Variants in DST observed in about 807,000 individuals in gnomAD.
The protein encoded by DST is dystonin.
DST carries 253 observed loss-of-function variants against 875.2 expected under a neutral mutation model. The ratio of observed to expected loss-of-function variants is 0.29; its 90% CI spans 0.26 to 0.32. The LOEUF (loss-of-function observed/expected upper bound fraction) is 0.32. Among genes scored for constraint, DST ranks in the 10% least tolerant of loss-of-function variants. The pLI, the probability that DST is intolerant of heterozygous loss-of-function variation, is 1.00. For missense variants in DST, 8,287 were observed against 9,111.6 expected (o/e 0.91, Z 3.68); for synonymous variants, 3,124 against 3,197.1 (o/e 0.98, Z 0.77).
At chr6:56,655,808 G>A (rs2099004681) in intron 10 of DST, among the ~76,000 whole-genome samples, 1 of 152,008 alleles carries the variant, frequency 6.6e-6, no homozygotes, top group South Asian at 2.1e-4. Flanking sequence ...ATTTCCTCCA[G>A]GAAGTACTTT....
chr6:56,932,243 T>C (rs1290346142), intron 2 of DST, among the ~76,000 whole-genome samples: 1 of 152,156 alleles, frequency 6.6e-6, no homozygotes, highest in Non-Finnish European at 1.5e-5. Context: ...CTTTTGCTTC[T>C]CTCTCATTTT....
intron 61 of DST, among the ~76,000 whole-genome samples, chr6:56,548,933 G>A (rs1388674324): frequency 6.6e-6 from 1 of 152,218 alleles, no homozygotes; most frequent in Non-Finnish European, 1.5e-5. Context: ...TTTTCACTGA[G>A]TGAGTTAGGA....
intron 50 of DST, among the ~76,000 whole-genome samples, chr6:56,575,848 T>C (rs9349831): frequency 0.29 from 43,286 of 151,686 alleles, 7,575 homozygotes; most frequent in Admixed American, 0.39. Flanking sequence ...GTGACAGGAG[T>C]GTATGGCAGA....
intron 39 of DST, among the ~76,000 whole-genome samples, chr6:56,609,877 A>G (rs2098529951): frequency 6.6e-6 from 1 of 152,218 alleles, no homozygotes; most frequent in South Asian, 2.1e-4. Flanking sequence ...TTAAATATAA[A>G]GATAACTTTT....
In DST at chr6:56,605,207, A is replaced by C. The variant is rs375948740; in HGVS notation, c.9421T>G (p.Phe3141Val). 14 of 1,611,740 alleles carry C rather than the reference A, an allele frequency of 8.7e-6. No individual in the cohort carries two copies. In the African/African-American group the frequency reaches 1.7e-4, roughly 20 times the overall value. The change falls in exon 40 of 104, where the codon TTT becomes GTT. Residue 3141 changes from phenylalanine (F) to valine (V), a missense_variant. Coordinates refer to ENST00000680361, the MANE Select transcript of DST (RefSeq NM_001374736.1). Reference sequence around the variant, plus strand: ...ATCTCTTTGGAAACTGATGTGTCAAAAATTTCTTCAAGATTCTCAAACTGA... The same window carrying C: ...ATCTCTTTGGAAACTGATGTGTCAACAATTTCTTCAAGATTCTCAAACTGA... ...PVQFENLEEI[F>V]DTSVSKEISD...
intron 4 of DST, among the ~76,000 whole-genome samples, chr6:56,818,832 A>G (rs2099769695): frequency 6.6e-6 from 1 of 152,160 alleles, no homozygotes; most frequent in Non-Finnish European, 1.5e-5. Context: ...TGAACTGCAT[A>G]CTTTCCATAG....
chr6:56,772,489 T>C (rs570355831), intron 4 of DST, among the ~76,000 whole-genome samples: 50 of 152,358 alleles, frequency 3.3e-4, no homozygotes, highest in South Asian at 1.2e-3. Flanking sequence ...AGCCATGTGA[T>C]TCCGATCAAG....
chr6:56,615,279 C>T lies in DST; in HGVS notation c.4930-795G>A, dbSNP rs565052554. 25 of 1,307,256 alleles carry T rather than the reference C, an allele frequency of 1.9e-5. No homozygotes were observed. In the South Asian group the frequency reaches 3.4e-4, roughly 18 times the overall value. The allele number at this position is 1,307,256 out of a possible 1,614,324, so 81.0% of individuals were successfully genotyped here. A position where few individuals can be genotyped will look rare whatever the true frequency, so the allele number is the denominator to read the frequency against. ...TAAAAAAAAAAACATTTTAGTGTGG[C>T]CAAGTTTCAAAAAACCATTCTCAAG... On this transcript the variant is annotated intron_variant, in intron 36 of 103. Coordinates refer to ENST00000680361, the MANE Select transcript of DST (RefSeq NM_001374736.1).
At chr6:56,897,341 T>C (rs1378864539) in intron 3 of DST, among the ~76,000 whole-genome samples, 1 of 151,754 alleles carries the variant, frequency 6.6e-6, no homozygotes, top group African/African-American at 2.4e-5. Flanking sequence ...TATTTATTTA[T>C]TTATTTTTGA....
intron 4 of DST, among the ~76,000 whole-genome samples, chr6:56,738,092 C>T (rs1385347640): frequency 6.6e-6 from 1 of 152,040 alleles, no homozygotes; most frequent in African/African-American, 2.4e-5. Flanking sequence ...ATTTCATAAG[C>T]ATTTCTTCTC....
intron 90 of DST, among the ~76,000 whole-genome samples, chr6:56,478,019 C>T (rs1406369121): frequency 6.6e-6 from 1 of 151,820 alleles, no homozygotes; most frequent in Non-Finnish European, 1.5e-5. Flanking sequence ...AGAGGGCCAA[C>T]TTTATAGGAT....
chr6:56,587,263 T>TGCAGAAGCCTCAGGA (rs2098173155), intron 49 of DST, among the ~76,000 whole-genome samples: 2 of 152,088 alleles, frequency 1.3e-5, no homozygotes, highest in Non-Finnish European at 2.9e-5. Flanking sequence ...ACGTGAAGAA[T>TGCAGAAGCCTCAGGA]GCAGAAGCCT....
chr6:56,526,223 CT>C (rs1195267525), intron 69 of DST, 137 bp downstream of exon 69: 6 of 961,318 alleles, frequency 6.2e-6, no homozygotes, highest in Admixed American at 2.5e-5. Flanking sequence ...CAGTCAACTT[CT>C]TTTCAAATCC....
At chr6:56,888,790 C>A (rs538355456) in intron 3 of DST, among the ~76,000 whole-genome samples, 1 of 152,194 alleles carries the variant, frequency 6.6e-6, no homozygotes, top group East Asian at 1.9e-4. Context: ...AAAACCTAAG[C>A]TGTAATCAGA....
chr6:56,614,769 T>C, intron 36 of DST: 1 of 1,043,564 alleles, frequency 9.6e-7, no homozygotes, highest in Non-Finnish European at 1.2e-6. Flanking sequence ...ACTTTATTCA[T>C]GAGGCACTAG....
intron 32 of DST, among the ~76,000 whole-genome samples, chr6:56,628,870 A>G (rs192260264): frequency 5.3e-5 from 8 of 152,250 alleles, no homozygotes; most frequent in Admixed American, 4.6e-4. Flanking sequence ...ATTTATTTAC[A>G]TTTCTTAAGT....
chr6:56,773,827 T>C (rs896404464), intron 4 of DST, among the ~76,000 whole-genome samples: 10 of 152,174 alleles, frequency 6.6e-5, no homozygotes, highest in African/African-American at 2.4e-4. Flanking sequence ...CTTCCTAGAA[T>C]TTCTCTCAGG....
rs773016497 is a variant in DST, at chr6:56,553,609, T to C, written c.15183A>G (p.Gln5061=). Residue 5061 remains glutamine (Q), a synonymous_variant, in exon 61 of 104, where the codon CAA becomes CAG. Transcript: ENST00000680361. The part of the protein sequence containing the change: ...HLQSACASSH[Q]FQQMSRDFQA... ...GAAAATCTCTAGACATTTGCTGAAA[T>C]TGATGAGAGCTTGCACAGGCCGACT... 1 of 1,613,708 alleles carries C rather than the reference T, an allele frequency of 6.2e-7. No homozygotes were observed. The highest frequency in any genetic ancestry group is 8.5e-7 in the Non-Finnish European group (1 of 1,179,848).
chr6:56,634,030 C>G, intron 27 of DST, 102 bp downstream of exon 27: 1 of 1,338,724 alleles, frequency 7.5e-7, no homozygotes, highest in Non-Finnish European at 1.1e-6. Flanking sequence ...ATGGATTTGC[C>G]GGACTCCATC....
Sources: allele counts gnomAD v4.1 joint callset (sites outside exome capture counted in the v4.1 genomes callset), GRCh38; gene constraint gnomAD v4.1.1; transcripts MANE v1.5; gene names NCBI Gene and HGNC (gene_info 2026-07-23, HGNC 2026-07-21).